Variants in DOCK10 observed in about 807,000 individuals in gnomAD.
The protein encoded by DOCK10 is dedicator of cytokinesis 10, also known as dedicator of cytokinesis protein 10.
A neutral mutation model predicts 280.1 loss-of-function variants in DOCK10; 145 were observed. The observed-to-expected ratio is 0.52, with a 90% CI of 0.45 to 0.59. The LOEUF is 0.59. DOCK10 is among the 20% of genes least tolerant of loss of function. DOCK10 has a pLI of 0.00. For missense variants in DOCK10, 2,368 were observed against 2,651.7 expected, an observed-to-expected ratio of 0.89 and a Z score of 2.35; for synonymous variants, 915 against 942.2, an observed-to-expected ratio of 0.97 and a Z score of 0.53.
At chr2:225,017,250 C>A (rs187643003) in intron 1 of DOCK10, among the ~76,000 whole-genome samples, 2 of 152,080 alleles carry the variant, frequency 1.3e-5, no homozygotes, top group African/African-American at 4.8e-5. Flanking sequence ...GTATTACCAG[C>A]GTAAGTCCAA....
At chr2:224,945,851 G>A (rs779293241) in intron 1 of DOCK10, among the ~76,000 whole-genome samples, 1 of 152,060 alleles carries the variant, frequency 6.6e-6, no homozygotes, top group Non-Finnish European at 1.5e-5. Flanking sequence ...CATCACAACT[G>A]GGGAGGGATT....
At chr2:224,888,943 C>T (rs1375352272) in intron 4 of DOCK10, among the ~76,000 whole-genome samples, 1 of 151,840 alleles carries the variant, frequency 6.6e-6, no homozygotes, top group East Asian at 1.9e-4. Context: ...GGGATTCTGC[C>T]ATTTGCCATG....
At chr2:224,896,226 G>T in intron 4 of DOCK10, 69 bp downstream of exon 4, 1 of 911,904 alleles carries the variant, frequency 1.1e-6, no homozygotes, top group South Asian at 1.7e-5. Context: ...ATGAACAATG[G>T]CAGGACTAGA....
chr2:224,878,059 T>A (rs556988188), intron 7 of DOCK10, among the ~76,000 whole-genome samples: 12 of 152,294 alleles, frequency 7.9e-5, no homozygotes, highest in African/African-American at 2.9e-4. Flanking sequence ...TGTGGGATTG[T>A]GGCTAAATAA....
chr2:225,028,237 G>A (rs1438300010), intron 1 of DOCK10, among the ~76,000 whole-genome samples: 14 of 152,128 alleles, frequency 9.2e-5, no homozygotes, highest in Admixed American at 5.9e-4. Context: ...GCGTGGGTCC[G>A]AGGGGCGCAA....
chr2:224,773,365 A>G lies in DOCK10; in HGVS notation c.6014-18T>C. ...GTGACTCGCTGTACAAAAGCCATAC[A>G]AAGGGATTTCAAGGTTGAGGATTAG... is the stretch of plus-strand genomic sequence containing the variant. On this transcript the variant is annotated intron_variant, in intron 52 of 55. Transcript: ENST00000258390. 6.3e-7 allele frequency: 1 copy of G among 1,595,424 alleles called. No individual in the cohort carries two copies. Among genetic ancestry groups the G allele is most frequent in the Non-Finnish European group, 8.5e-7 (1 of 1,169,996 alleles).
At chr2:225,009,355 G>C (rs185986945) in intron 1 of DOCK10, among the ~76,000 whole-genome samples, 59 of 152,192 alleles carry the variant, frequency 3.9e-4, no homozygotes, top group Non-Finnish European at 5.9e-4. Flanking sequence ...CTTAAGAAGG[G>C]AAGCTCTCTG....
At chr2:224,895,155 T>A (rs1361266155) in intron 4 of DOCK10, among the ~76,000 whole-genome samples, 6 of 152,244 alleles carry the variant, frequency 3.9e-5, no homozygotes. Flanking sequence ...CAAGATCAAA[T>A]GTCACCTTCT....
chr2:224,937,602 A>G (rs1702762219), intron 1 of DOCK10, among the ~76,000 whole-genome samples: 1 of 152,132 alleles, frequency 6.6e-6, no homozygotes, highest in African/African-American at 2.4e-5. Flanking sequence ...AAAAAAGGAC[A>G]GCTTCTCCTT....
chr2:224,818,024 C>T (rs374175052), intron 29 of DOCK10, among the ~76,000 whole-genome samples: 19 of 152,130 alleles, frequency 1.2e-4, no homozygotes, highest in East Asian at 9.6e-4. Context: ...AGCATGTGAC[C>T]CAAAGCAGGT....
chr2:224,797,044 C>T lies in DOCK10; in HGVS notation c.4747G>A (p.Ala1583Thr), dbSNP rs1342850104. The T allele has an allele frequency of 6.2e-7, 1 of 1,613,568 alleles. No homozygotes were observed. Among genetic ancestry groups the T allele is most frequent in the Admixed American group, 1.7e-5 (1 of 59,966 alleles). ...NHRSRSTQTE[A>T]SALLYFFMRK... ...ATGAAAAAGTACAGAAGGGCTGAGG[C>T]TTCTGTCTGAGTTGACCGTGACCTG... Residue 1583 changes from alanine to threonine, a missense_variant, in exon 43 of 56, where the codon GCC becomes ACC. Transcript: ENST00000258390.
chr2:224,845,772 G>A, intron 19 of DOCK10, 130 bp from the exon 20 acceptor site: 2 of 831,226 alleles, frequency 2.4e-6, no homozygotes, highest in Admixed American at 2.6e-5. Context: ...CACCTACGCT[G>A]GAGTGCAATG....
chr2:224,845,099 A>G (rs969775954), intron 21 of DOCK10, 104 bp downstream of exon 21: 41 of 1,205,742 alleles, frequency 3.4e-5, no homozygotes, highest in Admixed American at 2.3e-5. Flanking sequence ...CATAGCTACA[A>G]GGGACATGTC....
At chr2:225,031,458 C>T (rs761807314) in intron 1 of DOCK10, among the ~76,000 whole-genome samples, 3 of 152,104 alleles carry the variant, frequency 2.0e-5, no homozygotes, top group African/African-American at 7.2e-5. Flanking sequence ...GGCACAGGGC[C>T]GAAGGACGAA....
At chr2:224,902,379 C>T (rs139103294) in intron 3 of DOCK10, among the ~76,000 whole-genome samples, 75 of 152,102 alleles carry the variant, frequency 4.9e-4, no homozygotes, top group African/African-American at 1.8e-3. Flanking sequence ...TCATTTTGGC[C>T]CTTAGTCACC....
At chr2:224,906,771 AC>A (rs1382362638) in intron 3 of DOCK10, among the ~76,000 whole-genome samples, 1 of 152,042 alleles carries the variant, frequency 6.6e-6, no homozygotes, top group Non-Finnish European at 1.5e-5. Context: ...CAGTCACCGC[AC>A]CCGGCCTTGT....
At chr2:225,011,988 T>C (rs1255399705) in intron 1 of DOCK10, among the ~76,000 whole-genome samples, 1 of 152,166 alleles carries the variant, frequency 6.6e-6, no homozygotes, top group African/African-American at 2.4e-5. Context: ...GCCTTCTAAA[T>C]TCATTCAGCA....
chr2:224,768,035 T>A (rs1690173037), intron 55 of DOCK10, among the ~76,000 whole-genome samples: 1 of 152,058 alleles, frequency 6.6e-6, no homozygotes, highest in Non-Finnish European at 1.5e-5. Flanking sequence ...TGCTTCAGCC[T>A]CCCGAGTAGC....
chr2:224,908,166 T>TTGTGTG (rs369490326), intron 3 of DOCK10, among the ~76,000 whole-genome samples: 259 of 136,342 alleles, frequency 1.9e-3, no homozygotes, highest in South Asian at 7.2e-3. Flanking sequence ...TTTAAATGAG[T>TTGTGTG]TGTGTGTGTG....
Sources: gnomAD v4.1 joint callset for allele counts (sites outside exome capture counted in the v4.1 genomes callset) on GRCh38, gnomAD v4.1.1 for gene constraint, MANE v1.5 for transcripts, NCBI Gene and HGNC (gene_info 2026-07-23, HGNC 2026-07-21) for gene names.